XPO7: variants seen among roughly 807,000 people sequenced by gnomAD.
The protein encoded by XPO7 is exportin-7.
Under a neutral mutation model 144.3 loss-of-function variants are expected in XPO7, and 21 were observed. The observed-to-expected ratio is 0.15, with a 90% CI of 0.10 to 0.21. XPO7 has a LOEUF of 0.21. Ranked by LOEUF, XPO7 falls within the 10% of genes least tolerant of loss-of-function variation. The pLI, the probability that XPO7 is intolerant of heterozygous loss-of-function variation, is 1.00. For synonymous variants in XPO7, 580 were observed against 499.6 expected, an observed-to-expected ratio of 1.16 and a Z score of -2.15; for missense variants, 808 against 1,325.8, an observed-to-expected ratio of 0.61 and a Z score of 6.06.
At chr8:22,003,835 C>A in intron 26 of XPO7, 68 bp from the exon 27 acceptor site, 1 of 1,601,950 alleles carries the variant, frequency 6.2e-7, no homozygotes, top group Non-Finnish European at 8.5e-7. Context: ...TTCAACCCTG[C>A]AGATGACGGA....
At position 21,990,417 on chromosome 8, in the gene XPO7, T is replaced by G. The variant is rs1203162522; in HGVS notation, c.1932+10T>G. On this transcript the variant is annotated intron_variant, in intron 17 of 27. Transcript: ENST00000252512. ...GCTGAACAATCACACGGTGAGTGAT[T>G]TTAGCTTTTTTTCCTGGCCCTCCTA... 6.2e-7 allele frequency: 1 copy of G among 1,613,182 alleles called. No homozygotes were observed. The highest frequency in any genetic ancestry group is 2.2e-5 in the East Asian group (1 of 44,832).
chr8:21,966,318 G>A (rs745746194), intron 1 of XPO7: 16 of 780,308 alleles, frequency 2.1e-5, no homozygotes, highest in Non-Finnish European at 3.6e-5. Context: ...AGGAAGGTGC[G>A]TAAATACATC....
chr8:21,994,922 C>T (rs1227400908), intron 20 of XPO7, among the ~76,000 whole-genome samples: 2 of 151,964 alleles, frequency 1.3e-5, no homozygotes, highest in South Asian at 4.2e-4. Context: ...GGCGTGGTGG[C>T]GGGCGCTTGT....
intron 1 of XPO7, among the ~76,000 whole-genome samples, chr8:21,958,701 A>G (rs1010722581): frequency 0.017 from 1 of 60 alleles, no homozygotes; most frequent in African/African-American, 0.12. Flanking sequence ...GCGCATGCCT[A>G]TAATCCCAAG....
intron 1 of XPO7, among the ~76,000 whole-genome samples, chr8:21,928,201 TCTGA>T (rs1810525657): frequency 6.6e-6 from 1 of 152,254 alleles, no homozygotes; most frequent in African/African-American, 2.4e-5. Context: ...ACTCTTGTTT[TCTGA>T]CTTCTTTCAC....
At position 21,995,612 on chromosome 8, in the gene XPO7, C is replaced by T. The variant is rs1467483528; in HGVS notation, c.2345+13C>T. The T allele has an allele frequency of 1.3e-6, 2 of 1,572,804 alleles. No individual in the cohort carries two copies. Among genetic ancestry groups the T allele is most frequent in the Non-Finnish European group, 8.7e-7 (1 of 1,154,840 alleles). On this transcript the variant is annotated intron_variant, in intron 21 of 27. Transcript: ENST00000252512. ...TGGTTCATAATAGGTAAGCAGGAGG[C>T]AGAGCTTGCAAGGGCACATCTGCCC... is the stretch of plus-strand genomic sequence containing the variant.
intron 14 of XPO7, 143 bp from the exon 15 acceptor site, chr8:21,987,641 C>A: frequency 1.1e-6 from 1 of 915,914 alleles, no homozygotes; most frequent in Non-Finnish European, 1.6e-6. Context: ...TACTTGGAAA[C>A]TAGCTTATCC....
chr8:21,999,315 AC>A lies in XPO7; in HGVS notation c.2643+11del. 3 of 1,612,246 alleles carry A rather than the reference AC, an allele frequency of 1.9e-6. No individual in the cohort carries two copies. The highest frequency in any genetic ancestry group is 2.5e-6 in the Non-Finnish European group (3 of 1,179,740). On this transcript the variant is annotated intron_variant, in intron 23 of 27. Coordinates refer to ENST00000252512, the MANE Select transcript of XPO7 (RefSeq NM_015024.5). The stretch of plus-strand genomic sequence containing the variant: ...TCACAGTGATCTCTTGGTAAGCCTT[AC>A]GCTGCATTGCCACAATCTTGTTCCT...
chr8:21,987,908 A>C lies in XPO7; in HGVS notation c.1787+51A>C. 5.7e-6 allele frequency: 9 copies of C among 1,579,440 alleles called. No individual in the cohort carries two copies. In the South Asian group the frequency reaches 7.9e-5, roughly 14 times the overall value. On this transcript the variant is annotated intron_variant, in intron 15 of 27. Transcript: ENST00000252512. ...AAGAGTCCTTTGCACTCCTGTTGCAACTGTAAAATGTGATCTTGGCATTGT... is the reference window on the plus strand; with the variant it reads ...AAGAGTCCTTTGCACTCCTGTTGCACCTGTAAAATGTGATCTTGGCATTGT...
chr8:21,971,824 C>T, intron 4 of XPO7, 52 bp from the exon 5 acceptor site: 1 of 1,530,988 alleles, frequency 6.5e-7, no homozygotes. Context: ...TTCCAAATGC[C>T]AAAACCAAGC....
In XPO7 at chr8:21,971,881, T is replaced by C. The variant is rs757514039; in HGVS notation, c.432T>C (p.Ser144=). The C allele has an allele frequency of 7.4e-6, 12 of 1,612,798 alleles. No homozygotes were observed. Among genetic ancestry groups the C allele is most frequent in the Non-Finnish European group, 9.3e-6 (11 of 1,179,436 alleles). ...CTTATACTTTTTTTAACCAGGATAG[T>C]GTTGAATACTGCATCATTGGTGTCA... The part of the protein sequence containing the change: ...ITDVTRFLQD[S]VEYCIIGVTI... Residue 144 remains serine, a synonymous_variant, in exon 5 of 28, where the codon AGT becomes AGC. Coordinates refer to ENST00000252512, the MANE Select transcript of XPO7 (RefSeq NM_015024.5).
At chr8:21,974,621 C>A (rs1369353717) in intron 5 of XPO7, 49 bp from the exon 6 acceptor site, 1 of 1,378,182 alleles carries the variant, frequency 7.3e-7, no homozygotes, top group East Asian at 2.5e-5. Context: ...ATGAAAAATT[C>A]TTTTTTTGCA....
Position 21,970,159 on chromosome 8 carries a change from A to G in XPO7, c.275A>G (p.Asn92Ser), listed in dbSNP as rs1340877004. 1 of 1,613,072 alleles carries G rather than the reference A, an allele frequency of 6.2e-7. No homozygotes were observed. The highest frequency in any genetic ancestry group is 1.7e-5 in the Admixed American group (1 of 59,852). Residue 92 changes from asparagine (N) to serine (S), a missense_variant, in exon 4 of 28, where the codon AAC becomes AGC. Asn to Ser is a conservative substitution (Grantham distance 46). This residue lies in a region of XPO7 where 223 missense variants were observed against 368.8 expected (regional missense o/e 0.60). Transcript: ENST00000252512. ...QRIDIRNYVL[N>S]YLATRPKLAT... is the part of the protein sequence containing the mutation. ...TTTTTAATAGGGAACTATGTGCTCA[A>G]CTACCTTGCCACTCGGCCGAAGTTG...
At chr8:21,951,550 CATAA>C (rs1585434561) in intron 1 of XPO7, among the ~76,000 whole-genome samples, 1 of 152,180 alleles carries the variant, frequency 6.6e-6, no homozygotes, top group East Asian at 1.9e-4. Context: ...TTCAGAGTCA[CATAA>C]ATAGTCTAGG....
chr8:21,925,111 A>G (rs1034884603), intron 1 of XPO7, among the ~76,000 whole-genome samples: 3 of 152,188 alleles, frequency 2.0e-5, no homozygotes, highest in Non-Finnish European at 4.4e-5. Flanking sequence ...ATTCCAATAC[A>G]TGTCTGGAAT....
At chr8:21,958,107 C>T (rs910483040) in intron 1 of XPO7, among the ~76,000 whole-genome samples, 1 of 152,104 alleles carries the variant, frequency 6.6e-6, no homozygotes, top group Non-Finnish European at 1.5e-5. Context: ...CTAACAAATA[C>T]TTCTATTTGA....
In XPO7 at chr8:21,995,565, G is replaced by C. The variant is rs1254819618; in HGVS notation, c.2311G>C (p.Val771Leu). The change falls in exon 21 of 28, where the codon GTA (valine) becomes CTA (leucine). Residue 771 changes from valine to leucine, a missense_variant. Physicochemically the swap from Val to Leu is conservative, Grantham distance 32. Around this residue, in one of 5 missense-constraint regions of XPO7, gnomAD observed 416 missense variants for 612.5 expected, o/e 0.68. Coordinates refer to ENST00000252512, the MANE Select transcript of XPO7 (RefSeq NM_015024.5). Reference sequence around the variant, plus strand: ...CCATGATCCAGCCTGTACTACACCTGTACTCAAGTTGATGGCTGAATTGGT... The same window carrying C: ...CCATGATCCAGCCTGTACTACACCTCTACTCAAGTTGATGGCTGAATTGGT... ...WYHDPACTTPVLKLMAELVHN... is the reference protein window; with the variant it reads ...WYHDPACTTPLLKLMAELVHN... The C allele has an allele frequency of 6.2e-7, 1 of 1,608,116 alleles. No homozygotes were observed. Among genetic ancestry groups the C allele is most frequent in the Non-Finnish European group, 8.5e-7 (1 of 1,176,966 alleles).
In XPO7 at chr8:21,977,826, C is replaced by T; in HGVS notation, c.820C>T (p.Pro274Ser). Residue 274 changes from proline (P) to serine (S), a missense_variant, in exon 8 of 28, where the codon CCT (proline) becomes TCT (serine). Coordinates refer to ENST00000252512, the MANE Select transcript of XPO7 (RefSeq NM_015024.5). ...TTTTGACCTGTATCATTCCATCCCTCCTTCATTTTCACCTCTGGTGAGTCA... is the reference window on the plus strand; with the variant it reads ...TTTTGACCTGTATCATTCCATCCCTTCTTCATTTTCACCTCTGGTGAGTCA... Reference protein sequence around the residue: ...LFFDLYHSIPPSFSPLVLSCL... With the variant: ...LFFDLYHSIPSSFSPLVLSCL... 1.2e-6 allele frequency: 2 copies of T among 1,613,942 alleles called. No individual in the cohort carries two copies. The highest frequency in any genetic ancestry group is 1.7e-6 in the Non-Finnish European group (2 of 1,179,860).
intron 1 of XPO7, among the ~76,000 whole-genome samples, chr8:21,941,026 G>T (rs779609858): frequency 5.9e-5 from 9 of 152,112 alleles, no homozygotes; most frequent in Non-Finnish European, 1.0e-4. Context: ...TGGTGTCTGT[G>T]GGGGATTGGT....
Sources: gnomAD v4.1 joint callset for allele counts (sites outside exome capture counted in the v4.1 genomes callset) on GRCh38, gnomAD v4.1.1 for gene constraint, gnomAD v4.1.1 regional missense constraint, MANE v1.5 for transcripts, NCBI Gene and HGNC (gene_info 2026-07-23, HGNC 2026-07-21) for gene names.